Variants in SOX5 observed in about 807,000 individuals in gnomAD.
SOX5 encodes the protein SRY-box transcription factor 5.
In SOX5, 9 loss-of-function variants were observed where a neutral mutation model predicts 92.0. The ratio of observed to expected loss-of-function variants is 0.10; its 90% CI spans 0.06 to 0.17. SOX5 has a LOEUF of 0.17. SOX5 is among the 10% of genes least tolerant of loss of function. The pLI, the probability that SOX5 is intolerant of heterozygous loss-of-function variation, is 1.00. For synonymous variants in SOX5, 344 were observed against 336.3 expected, an observed-to-expected ratio of 1.02 and a Z score of -0.25; for missense variants, 642 against 944.5, an observed-to-expected ratio of 0.68 and a Z score of 4.20.
chr12:24,241,164 A>G (rs913529622), intron 3 of SOX5, among the ~76,000 whole-genome samples: 1 of 152,180 alleles, frequency 6.6e-6, no homozygotes, highest in African/African-American at 2.4e-5. Flanking sequence ...TAAGTCAGTC[A>G]TATTGTCTTG....
intron 2 of SOX5, among the ~76,000 whole-genome samples, chr12:24,347,820 A>G (rs1209917243): frequency 6.6e-6 from 1 of 152,184 alleles, no homozygotes; most frequent in Non-Finnish European, 1.5e-5. Context: ...TAGCAAAGTT[A>G]GCAATACTAA....
Position 23,979,705 on chromosome 12 carries a change from T to A in SOX5, c.-1-83681A>T, listed in dbSNP as rs1221280611. ...TTCCATATATATATATATGTTTTTT[T>A]TGTTTTTTTTTTTTTTTTTTTTTTT... On this transcript the variant is annotated intron_variant, in intron 4 of 4. Coordinates refer to the SOX5 transcript ENST00000446891. 2.2e-3 allele frequency among the ~76,000 whole-genome samples: 167 copies of A among 75,768 alleles called. 1 individual carries two copies. Among genetic ancestry groups the A allele is most frequent in the South Asian group, 5.8e-3 (12 of 2,074 alleles). The allele number at this position is 75,768 out of a possible 152,430, so 49.7% of individuals were successfully genotyped here. A position where few individuals can be genotyped will look rare whatever the true frequency, so the allele number is the denominator to read the frequency against.
chr12:24,280,113 C>T (rs1160355495), intron 2 of SOX5, among the ~76,000 whole-genome samples: 1 of 152,038 alleles, frequency 6.6e-6, no homozygotes, highest in Non-Finnish European at 1.5e-5. Context: ...ATTTTATGGA[C>T]TAATGTACCC....
rs151065723 is a variant in SOX5, at chr12:24,465,813, G to A, written c.-251+96516C>T. Among the ~76,000 whole-genome samples, 486 of 152,192 alleles carry A rather than the reference G, an allele frequency of 3.2e-3. 2 individuals carry two copies. Among genetic ancestry groups the A allele is most frequent in the African/African-American group, 0.01 (435 of 41,538 alleles). ...AGTTGTTGACGGCAAATCATTCATG[G>A]TCCACCATCCCAACCCCACAGAGGC... On this transcript the variant is annotated intron_variant, in intron 1 of 4. Transcript: ENST00000446891.
chr12:24,122,676 T>C (rs906023915), intron 4 of SOX5, among the ~76,000 whole-genome samples: 13 of 152,300 alleles, frequency 8.5e-5, no homozygotes, highest in African/African-American at 3.1e-4. Context: ...ATTGAATATT[T>C]AATTTATATT....
At chr12:23,562,344 G>C (rs1374263323) in intron 11 of SOX5, among the ~76,000 whole-genome samples, 2 of 152,120 alleles carry the variant, frequency 1.3e-5, no homozygotes, top group African/African-American at 4.8e-5. Flanking sequence ...CAGCTTCTTA[G>C]TGATTATACA....
intron 3 of SOX5, among the ~76,000 whole-genome samples, chr12:23,775,780 C>T (rs2095078044): frequency 6.6e-6 from 1 of 152,186 alleles, no homozygotes; most frequent in Non-Finnish European, 1.5e-5. Context: ...ACTTTTAGGG[C>T]ACTCTTGTCC....
At chr12:24,090,285 T>C (rs1050334628) in intron 4 of SOX5, among the ~76,000 whole-genome samples, 5 of 152,186 alleles carry the variant, frequency 3.3e-5, no homozygotes, top group Non-Finnish European at 7.3e-5. Flanking sequence ...GTGAAAGTTA[T>C]AATTTATCTC....
At chr12:23,918,842 G>T (rs948122937) in intron 1 of SOX5, among the ~76,000 whole-genome samples, 1 of 85,294 alleles carries the variant, frequency 1.2e-5, no homozygotes, top group Non-Finnish European at 3.0e-5. Flanking sequence ...ACTGGAACCC[G>T]GGAGGTGGAG....
At chr12:24,033,829 G>A (rs1013469771) in intron 4 of SOX5, among the ~76,000 whole-genome samples, 2 of 152,018 alleles carry the variant, frequency 1.3e-5, no homozygotes, top group African/African-American at 4.8e-5. Flanking sequence ...AAGACACAAT[G>A]CTACCTTACG....
intron 1 of SOX5, among the ~76,000 whole-genome samples, chr12:23,897,091 C>T (rs933939655): frequency 6.6e-6 from 1 of 151,962 alleles, no homozygotes; most frequent in Non-Finnish European, 1.5e-5. Context: ...CTTAATCTGA[C>T]CTTGAAAAAG....
At chr12:23,973,031 CT>C (rs1244532407) in intron 4 of SOX5, among the ~76,000 whole-genome samples, 1 of 152,026 alleles carries the variant, frequency 6.6e-6, no homozygotes, top group Middle Eastern at 3.2e-3. Flanking sequence ...ATGAGATTGA[CT>C]TTTTTAGATT....
intron 2 of SOX5, among the ~76,000 whole-genome samples, 173 bp downstream of exon 2, chr12:23,895,620 T>A (rs1159977409): frequency 6.6e-6 from 1 of 152,210 alleles, no homozygotes; most frequent in Non-Finnish European, 1.5e-5. Flanking sequence ...AAACAGCGTA[T>A]CTTATGCTGC....
intron 1 of SOX5, among the ~76,000 whole-genome samples, chr12:24,387,757 T>G (rs1958578214): frequency 6.6e-6 from 1 of 152,220 alleles, no homozygotes; most frequent in South Asian, 2.1e-4. Flanking sequence ...AGGCAAATTT[T>G]ATTTCTCCAA....
intron 3 of SOX5, among the ~76,000 whole-genome samples, chr12:23,766,052 C>T (rs1379165711): frequency 6.6e-6 from 1 of 152,094 alleles, no homozygotes. Flanking sequence ...TTAGAACTAA[C>T]GATGCCTTAC....
At chr12:23,609,092 T>C (rs2075638316) in intron 8 of SOX5, among the ~76,000 whole-genome samples, 1 of 152,050 alleles carries the variant, frequency 6.6e-6, no homozygotes, top group Non-Finnish European at 1.5e-5. Context: ...GAGATGGCAT[T>C]CTAGGAAGGC....
chr12:23,987,843 T>G (rs2136228004), intron 4 of SOX5, among the ~76,000 whole-genome samples: 1 of 152,158 alleles, frequency 6.6e-6, no homozygotes, highest in Admixed American at 6.5e-5. Context: ...AAATAGATGA[T>G]GGGAATTCAT....
chr12:24,397,030 G>A (rs1024089789), intron 1 of SOX5, among the ~76,000 whole-genome samples: 11 of 152,192 alleles, frequency 7.2e-5, no homozygotes, highest in African/African-American at 2.7e-4. Context: ...AGAGAGTTGT[G>A]TTAGTACTTT....
intron 6 of SOX5, among the ~76,000 whole-genome samples, chr12:23,667,894 A>G (rs2084082922): frequency 6.6e-6 from 1 of 152,248 alleles, no homozygotes; most frequent in Non-Finnish European, 1.5e-5. Flanking sequence ...CTAAAAACAC[A>G]TCTCAAAATA....
Sources: gnomAD v4.1 joint callset for allele counts (sites outside exome capture counted in the v4.1 genomes callset) on GRCh38, gnomAD v4.1.1 for gene constraint, MANE v1.5 for transcripts, NCBI Gene and HGNC (gene_info 2026-07-23, HGNC 2026-07-21) for gene names.